Variants in NRF1 observed in about 807,000 individuals in gnomAD.
NRF1 encodes nuclear respiratory factor 1.
Under a neutral mutation model 58.5 loss-of-function variants are expected in NRF1, and 5 were observed. That is an observed-to-expected ratio of 0.09 (90% confidence interval 0.04 to 0.18). The LOEUF is 0.18. Ranked by LOEUF, NRF1 falls within the 10% of genes least tolerant of loss-of-function variation. The pLI, the probability that NRF1 is intolerant of heterozygous loss-of-function variation, is 1.00. For missense variants in NRF1, 288 were observed against 657.7 expected (o/e 0.44, Z 6.15); for synonymous variants, 224 against 246.7 (o/e 0.91, Z 0.86).
At chr7:129,714,073 G>A (rs1216504265) in intron 8 of NRF1, among the ~76,000 whole-genome samples, 1 of 152,188 alleles carries the variant, frequency 6.6e-6, no homozygotes, top group Non-Finnish European at 1.5e-5. Context: ...AGTAAACACA[G>A]TTTAAGAAAG....
At chr7:129,724,988 A>ATTGC (rs1204110160) in intron 9 of NRF1, among the ~76,000 whole-genome samples, 4 of 152,224 alleles carry the variant, frequency 2.6e-5, no homozygotes, top group Non-Finnish European at 5.9e-5. Context: ...CTAAAGCAGG[A>ATTGC]TTGCTTGAGC....
chr7:129,733,487 A>G (rs539816542), intron 10 of NRF1, among the ~76,000 whole-genome samples: 8 of 152,008 alleles, frequency 5.3e-5, no homozygotes, highest in African/African-American at 1.9e-4. Context: ...AGAAAAGGAA[A>G]GAAAACCCTA....
chr7:129,677,551 T>G, intron 3 of NRF1, 81 bp from the exon 4 acceptor site: 2 of 1,299,652 alleles, frequency 1.5e-6, no homozygotes, highest in East Asian at 2.3e-5. Context: ...CAGAATAAAC[T>G]GTCTTACCTC....
chr7:129,674,149 A>AG (rs1802122357), intron 3 of NRF1, among the ~76,000 whole-genome samples: 1 of 152,022 alleles, frequency 6.6e-6, no homozygotes, highest in Non-Finnish European at 1.5e-5. Context: ...TAAAAAAAAA[A>AG]AAAAGCTGTT....
At chr7:129,736,228 ATG>A (rs1803706780) in intron 10 of NRF1, among the ~76,000 whole-genome samples, 1 of 150,694 alleles carries the variant, frequency 6.6e-6, no homozygotes, top group African/African-American at 2.4e-5. Context: ...TTTTTAAAAT[ATG>A]TATGTTTTCT....
intron 10 of NRF1, among the ~76,000 whole-genome samples, chr7:129,753,100 T>C (rs1471084050): frequency 6.6e-6 from 1 of 151,822 alleles, no homozygotes; most frequent in African/African-American, 2.4e-5. Context: ...AAAAGTTACA[T>C]ACAATTTAAC....
At chr7:129,621,071 C>G (rs934908002) in intron 1 of NRF1, among the ~76,000 whole-genome samples, 3 of 152,180 alleles carry the variant, frequency 2.0e-5, no homozygotes, top group Admixed American at 2.0e-4. Flanking sequence ...ATTATGTGTT[C>G]ACTAGATCTT....
chr7:129,657,640 C>CCA, intron 2 of NRF1, 66 bp downstream of exon 2: 1 of 1,028,062 alleles, frequency 9.7e-7, no homozygotes, highest in Non-Finnish European at 1.4e-6. Context: ...GACAGCGTCT[C>CCA]ACTCTGTTGC....
chr7:129,627,726 TAAAAC>T (rs1450698366), intron 1 of NRF1, among the ~76,000 whole-genome samples: 1 of 152,166 alleles, frequency 6.6e-6, no homozygotes, highest in Admixed American at 6.5e-5. Context: ...ACCAGGGAAA[TAAAAC>T]TAATTTTAAT....
At chr7:129,666,251 G>A (rs77356225) in intron 2 of NRF1, among the ~76,000 whole-genome samples, 190 of 152,190 alleles carry the variant, frequency 1.2e-3, no homozygotes, top group African/African-American at 4.1e-3. Flanking sequence ...TTCTAATCCT[G>A]CTCCCTTCCC....
chr7:129,732,090 A>G (rs1380530879), intron 10 of NRF1, among the ~76,000 whole-genome samples: 2 of 152,200 alleles, frequency 1.3e-5, no homozygotes, highest in Non-Finnish European at 1.5e-5. Context: ...AGATACAGGC[A>G]TTCACTCAGA....
intron 5 of NRF1, among the ~76,000 whole-genome samples, chr7:129,697,284 A>C (rs6467260): frequency 0.39 from 58,880 of 151,444 alleles, 12,049 homozygotes; most frequent in Non-Finnish European, 0.48. Flanking sequence ...TGGCTCACGC[A>C]TGTAATCCCA....
chr7:129,744,221 A>G (rs1407199282), intron 10 of NRF1: 6 of 1,549,434 alleles, frequency 3.9e-6, no homozygotes, highest in Admixed American at 3.9e-5. Context: ...CTGACTGACA[A>G]AGCCACAGGT....
chr7:129,724,299 G>A (rs746234307), intron 9 of NRF1, among the ~76,000 whole-genome samples: 3 of 152,324 alleles, frequency 2.0e-5, no homozygotes, highest in South Asian at 2.1e-4. Flanking sequence ...AGGAAAAGAT[G>A]TGCAGCATCA....
At chr7:129,732,424 G>A (rs1803601997) in intron 10 of NRF1, among the ~76,000 whole-genome samples, 1 of 152,198 alleles carries the variant, frequency 6.6e-6, no homozygotes, top group Admixed American at 6.5e-5. Flanking sequence ...CATATTTGAA[G>A]TTGGTGCAAT....
At chr7:129,710,256 C>A in intron 6 of NRF1, 118 bp from the exon 7 acceptor site, 1 of 841,508 alleles carries the variant, frequency 1.2e-6, no homozygotes, top group Non-Finnish European at 2.0e-6. Flanking sequence ...CTAGGAGAGT[C>A]TAATAAGAGG....
At chr7:129,627,393 A>C (rs567907546) in intron 1 of NRF1, among the ~76,000 whole-genome samples, 15 of 149,320 alleles carry the variant, frequency 1.0e-4, no homozygotes, top group Non-Finnish European at 1.6e-4. Flanking sequence ...TTTTCTTTTT[A>C]TTTTTTTCGT....
intron 10 of NRF1, chr7:129,744,125 C>T (rs573964370): frequency 4.4e-5 from 60 of 1,362,064 alleles, no homozygotes; most frequent in African/African-American, 2.8e-4. Flanking sequence ...CCATCTTGCC[C>T]GGTGCTTTTT....
At chr7:129,642,009 C>T (rs1801301788) in intron 1 of NRF1, among the ~76,000 whole-genome samples, 1 of 149,534 alleles carries the variant, frequency 6.7e-6, no homozygotes, top group South Asian at 2.1e-4. Flanking sequence ...GACAGAGCCT[C>T]ATTCTGTTGC....
Sources: gnomAD v4.1 joint callset for allele counts (sites outside exome capture counted in the v4.1 genomes callset) on GRCh38, gnomAD v4.1.1 for gene constraint, MANE v1.5 for transcripts, NCBI Gene and HGNC (gene_info 2026-07-23, HGNC 2026-07-21) for gene names.